The following GALNTL6 variants were observed in gnomAD, a reference collection of about 807,000 sequenced individuals.
GALNTL6 encodes polypeptide N-acetylgalactosaminyltransferase like 6, also known as polypeptide N-acetylgalactosaminyltransferase-like 6.
A neutral mutation model predicts 73.7 loss-of-function variants in GALNTL6; 46 were observed. The observed-to-expected ratio is 0.62, with a 90% CI of 0.49 to 0.80. The LOEUF is 0.80. Ranked by LOEUF, GALNTL6 falls within the 30% of genes least tolerant of loss-of-function variation. GALNTL6 has a pLI of 0.00. For synonymous variants in GALNTL6, 259 were observed against 263.7 expected, an observed-to-expected ratio of 0.98 and a Z score of 0.17; for missense variants, 604 against 755.0, an observed-to-expected ratio of 0.80 and a Z score of 2.34.
At chr4:173,018,715 C>G (rs954057658) in intron 11 of GALNTL6, among the ~76,000 whole-genome samples, 3 of 152,266 alleles carry the variant, frequency 2.0e-5, no homozygotes. Context: ...GTGAACACGG[C>G]ACAGAAGGAA....
chr4:173,007,927 T>A (rs1752373464), intron 10 of GALNTL6, among the ~76,000 whole-genome samples: 1 of 152,228 alleles, frequency 6.6e-6, no homozygotes, highest in South Asian at 2.1e-4. Context: ...TTGAGTTCCT[T>A]ATATCAGTGC....
intron 5 of GALNTL6, among the ~76,000 whole-genome samples, chr4:172,600,102 C>G (rs750239004): frequency 6.6e-6 from 1 of 151,920 alleles, no homozygotes; most frequent in Non-Finnish European, 1.5e-5. Flanking sequence ...GTGTAGGATT[C>G]GGACACTCTT....
intron 5 of GALNTL6, among the ~76,000 whole-genome samples, chr4:172,731,552 G>C (rs1366195583): frequency 6.6e-6 from 1 of 151,590 alleles, no homozygotes; most frequent in African/African-American, 2.4e-5. Flanking sequence ...ATTTATTTCT[G>C]CTCTGATCTT....
chr4:172,442,714 C>T (rs1021356931), intron 5 of GALNTL6, among the ~76,000 whole-genome samples: 2 of 152,094 alleles, frequency 1.3e-5, no homozygotes, highest in African/African-American at 4.8e-5. Flanking sequence ...CGATATATTT[C>T]AAGGCTTTTC....
At chr4:172,043,434 T>C (rs1742141300) in intron 2 of GALNTL6, among the ~76,000 whole-genome samples, 1 of 152,070 alleles carries the variant, frequency 6.6e-6, no homozygotes, top group African/African-American at 2.4e-5. Flanking sequence ...GGCCAGACTT[T>C]ATTAAAAGAT....
At chr4:172,256,090 C>T (rs1339837788) in intron 3 of GALNTL6, among the ~76,000 whole-genome samples, 1 of 151,356 alleles carries the variant, frequency 6.6e-6, no homozygotes, top group African/African-American at 2.4e-5. Flanking sequence ...ATGTTATGCG[C>T]ATTTAAATAT....
intron 2 of GALNTL6, among the ~76,000 whole-genome samples, chr4:171,848,001 A>G (rs1214542808): frequency 2.0e-5 from 3 of 152,210 alleles, no homozygotes; most frequent in Non-Finnish European, 4.4e-5. Flanking sequence ...TACATGACTC[A>G]GATCCATCAG....
At chr4:172,536,832 T>C (rs1276300979) in intron 5 of GALNTL6, among the ~76,000 whole-genome samples, 2 of 152,160 alleles carry the variant, frequency 1.3e-5, no homozygotes, top group African/African-American at 4.8e-5. Flanking sequence ...GAAATTTGCA[T>C]AATTAATGAG....
intron 2 of GALNTL6, among the ~76,000 whole-genome samples, chr4:171,988,355 A>C (rs144056132): frequency 1.3e-5 from 2 of 152,288 alleles, no homozygotes; most frequent in African/African-American, 4.8e-5. Flanking sequence ...ATGTGGATGA[A>C]ATTTGGGCTT....
At chr4:173,007,453 C>A (rs867143366) in intron 10 of GALNTL6, among the ~76,000 whole-genome samples, 7 of 152,212 alleles carry the variant, frequency 4.6e-5, no homozygotes, top group Admixed American at 1.3e-4. Context: ...ATATCCATCT[C>A]TGCTACAGGC....
chr4:172,220,525 C>A (rs924773667), intron 2 of GALNTL6, among the ~76,000 whole-genome samples: 1 of 151,718 alleles, frequency 6.6e-6, no homozygotes, highest in South Asian at 2.1e-4. Context: ...ATCTGACTTA[C>A]CAATCATCCA....
At chr4:172,222,899 C>G (rs563328903) in intron 2 of GALNTL6, among the ~76,000 whole-genome samples, 2 of 151,850 alleles carry the variant, frequency 1.3e-5, no homozygotes, top group East Asian at 3.9e-4. Flanking sequence ...TAAGCTTGGC[C>G]CGAGTTTTTG....
chr4:172,219,164 C>A (rs1351487255), intron 2 of GALNTL6, among the ~76,000 whole-genome samples: 3 of 127,534 alleles, frequency 2.4e-5, no homozygotes, highest in East Asian at 2.1e-4. Context: ...GATCACTTTG[C>A]AATCAGAAAA....
intron 5 of GALNTL6, among the ~76,000 whole-genome samples, chr4:172,675,711 A>G (rs1471045817): frequency 6.6e-6 from 1 of 152,236 alleles, no homozygotes; most frequent in Non-Finnish European, 1.5e-5. Context: ...AAAGGCCCCA[A>G]TTACTATATT....
intron 2 of GALNTL6, among the ~76,000 whole-genome samples, chr4:172,075,272 T>C (rs1182709981): frequency 1.3e-5 from 2 of 152,176 alleles, no homozygotes; most frequent in Non-Finnish European, 2.9e-5. Flanking sequence ...TTTTCTGGAT[T>C]GAAGTTCTTG....
chr4:172,786,155 C>T (rs780345260), intron 5 of GALNTL6, among the ~76,000 whole-genome samples: 2 of 151,808 alleles, frequency 1.3e-5, no homozygotes, highest in Non-Finnish European at 2.9e-5. Context: ...AACTCCAATT[C>T]GCTCTAATCA....
chr4:172,732,671 C>G (rs1736222997), intron 5 of GALNTL6, among the ~76,000 whole-genome samples: 1 of 152,018 alleles, frequency 6.6e-6, no homozygotes, highest in Admixed American at 6.6e-5. Flanking sequence ...TAATTTATTG[C>G]TTTTTATTTG....
chr4:172,860,054 T>C (rs144649861), intron 7 of GALNTL6, among the ~76,000 whole-genome samples: 1 of 152,288 alleles, frequency 6.6e-6, no homozygotes, highest in Non-Finnish European at 1.5e-5. Context: ...ATCATCCCCA[T>C]ACCCCCTTGA....
At position 172,519,097 on chromosome 4, in the gene GALNTL6, TACAC is replaced by T. The variant is rs138699256; in HGVS notation, c.553+170422_553+170425del. On this transcript the variant is annotated intron_variant, in intron 5 of 12. Transcript: ENST00000506823. ...ATGTATTTTAGAACTTATATGTATA[TACAC>T]ACACACACACACATACACCCACACA... Among the ~76,000 whole-genome samples the T allele has an allele frequency of 6.7e-5, 10 of 149,068 alleles. No individual in the cohort carries two copies. In the South Asian group the frequency reaches 1.3e-3, roughly 19 times the overall value.
Sources: gnomAD v4.1 joint callset for allele counts (sites outside exome capture counted in the v4.1 genomes callset) on GRCh38, gnomAD v4.1.1 for gene constraint, MANE v1.5 for transcripts, NCBI Gene and HGNC (gene_info 2026-07-23, HGNC 2026-07-21) for gene names.